PRPSAP2: variants seen among roughly 807,000 people sequenced by gnomAD.
The protein encoded by PRPSAP2 is phosphoribosyl pyrophosphate synthase-associated protein 2.
Under a neutral mutation model 40.6 loss-of-function variants are expected in PRPSAP2, and 24 were observed. That is an observed-to-expected ratio of 0.59 (90% confidence interval 0.43 to 0.83). The LOEUF (loss-of-function observed/expected upper bound fraction) is 0.83. Among genes scored for constraint, PRPSAP2 ranks in the 40% least tolerant of loss-of-function variants. PRPSAP2 has a pLI of 0.00. For missense variants in PRPSAP2, 292 were observed against 465.6 expected (o/e 0.63, Z 3.43); for synonymous variants, 149 against 164.7 (o/e 0.90, Z 0.73).
intron 1 of PRPSAP2, among the ~76,000 whole-genome samples, 190 bp from the exon 2 acceptor site, chr17:18,865,279 T>C (rs1241123306): frequency 6.6e-6 from 1 of 152,126 alleles, no homozygotes; most frequent in Non-Finnish European, 1.5e-5. Context: ...CGTGTTCCAC[T>C]TGAGGAAAAT....
At chr17:18,898,030 C>CG (rs1182811035) in intron 8 of PRPSAP2, among the ~76,000 whole-genome samples, 1 of 125,280 alleles carries the variant, frequency 8.0e-6, no homozygotes, top group East Asian at 2.6e-4. Context: ...GGCAGTGTCT[C>CG]GCTCTGTCAC....
chr17:18,895,457 T>C (rs2039858332), intron 8 of PRPSAP2, among the ~76,000 whole-genome samples: 1 of 151,954 alleles, frequency 6.6e-6, no homozygotes, highest in Non-Finnish European at 1.5e-5. Context: ...TTGTTTTCTT[T>C]AGTTCTGTGA....
chr17:18,882,693 C>A lies in PRPSAP2; in HGVS notation c.528+10C>A. 6.6e-7 allele frequency: 1 copy of A among 1,510,320 alleles called. No homozygotes were observed. Among genetic ancestry groups the A allele is most frequent in the Non-Finnish European group, 9.2e-7 (1 of 1,089,958 alleles). The allele number at this position is 1,510,320 out of a possible 1,614,324, so 93.6% of individuals were successfully genotyped here. ...GTATATTCAAGAAGAGGTGAGCTAG[C>A]TCAAACTTTTTTATTTTAACATTCT... On this transcript the variant is annotated intron_variant, in intron 7 of 11. Transcript: ENST00000268835.
At chr17:18,917,529 A>G (rs1454526037) in intron 9 of PRPSAP2, 2 of 142,554 alleles carry the variant, frequency 1.4e-5, no homozygotes, top group Admixed American at 7.1e-5. Flanking sequence ...ACATGCCACC[A>G]TGCCCAGGTA....
At position 18,911,907 on chromosome 17, in the gene PRPSAP2, G is replaced by T. The variant is rs2040979487; in HGVS notation, c.733+656G>T. Among the ~76,000 whole-genome samples the T allele has an allele frequency of 6.6e-6, 1 of 151,644 alleles. No individual in the cohort carries two copies. The highest frequency in any genetic ancestry group is 2.4e-5 in the African/African-American group (1 of 41,240). On this transcript the variant is annotated intron_variant, in intron 9 of 11. Transcript: ENST00000268835. The surrounding 1 kb of genome is among the most constrained non-coding windows in gnomAD (Gnocchi z 4.5). ...CAGCACTGACCCCGTGATGGGCCGG[G>T]CACGGTGGCTCACGCCTGTAATCCC...
At chr17:18,862,466 T>TCC (rs57766245) in intron 1 of PRPSAP2, among the ~76,000 whole-genome samples, 1 of 151,258 alleles carries the variant, frequency 6.6e-6, no homozygotes, top group Non-Finnish European at 1.5e-5. Flanking sequence ...AAAATGCCCC[T>TCC]CCCCCCATGG....
chr17:18,911,771 C>T lies in PRPSAP2; in HGVS notation c.733+520C>T, dbSNP rs2040972952. On this transcript the variant is annotated intron_variant, in intron 9 of 11. Transcript: ENST00000268835. This position sits in a 1 kb window ranked among gnomAD's most constrained non-coding sequence, Gnocchi z 4.5. ...ACAAGGCAGAATATAAGATTGTATA[C>T]CTATTTGTCTTAGTTCAGGCTGCTG... 6.6e-6 allele frequency among the ~76,000 whole-genome samples: 1 copy of T among 152,180 alleles called. No homozygotes were observed. The highest frequency in any genetic ancestry group is 2.4e-5 in the African/African-American group (1 of 41,426).
Position 18,867,348 on chromosome 17 carries a change from G to A in PRPSAP2, c.172+14G>A, listed in dbSNP as rs1373765087. The A allele has an allele frequency of 6.2e-7, 1 of 1,613,854 alleles. No individual in the cohort carries two copies. The highest frequency in any genetic ancestry group is 1.7e-5 in the Admixed American group (1 of 60,002). ...AACCTAACAGAGGTGAGCTATCTTG[G>A]GCATGTGGAACATTGACCTTTTTGT... On this transcript the variant is annotated intron_variant, in intron 4 of 11. Transcript: ENST00000268835.
intron 7 of PRPSAP2, 46 bp from the exon 8 acceptor site, chr17:18,889,776 C>A (rs552857844): frequency 6.8e-7 from 1 of 1,477,598 alleles, no homozygotes. Context: ...TTGGAATTTT[C>A]CTTTTTGTTG....
chr17:18,897,991 C>CT (rs71155370), intron 8 of PRPSAP2, among the ~76,000 whole-genome samples: 15,427 of 114,292 alleles, frequency 0.13, 3,572 homozygotes, highest in Non-Finnish European at 0.18. Flanking sequence ...AGAATTTTTG[C>CT]TTTTTTTTTT....
chr17:18,893,153 C>A (rs1053805267), intron 8 of PRPSAP2, among the ~76,000 whole-genome samples: 1 of 124,996 alleles, frequency 8.0e-6, no homozygotes. Context: ...TTCAATTTAT[C>A]TTTTTTTTTT....
intron 4 of PRPSAP2, among the ~76,000 whole-genome samples, chr17:18,872,097 T>C (rs2037927864): frequency 1.3e-5 from 2 of 152,016 alleles, no homozygotes; most frequent in Admixed American, 1.3e-4. Context: ...GGTGAAACCC[T>C]GTCTCTACTA....
intron 10 of PRPSAP2, among the ~76,000 whole-genome samples, chr17:18,924,261 A>G (rs907203865): frequency 2.0e-5 from 3 of 152,128 alleles, no homozygotes; most frequent in Non-Finnish European, 4.4e-5. Context: ...GCTGGTCTCA[A>G]GCTCCTGAAC....
chr17:18,911,834 A>G lies in PRPSAP2; in HGVS notation c.733+583A>G, dbSNP rs1249619305. ...TTAGACTGGGTAATATAAACAACAA[A>G]TTTATTGCTCACAGTTCTAGAGGCT... On this transcript the variant is annotated intron_variant, in intron 9 of 11. Coordinates refer to ENST00000268835, the MANE Select transcript of PRPSAP2 (RefSeq NM_002767.4). The surrounding 1 kb of genome is among the most constrained non-coding windows in gnomAD (Gnocchi z 4.5). Among the ~76,000 whole-genome samples the G allele has an allele frequency of 1.3e-5, 2 of 152,226 alleles. No homozygotes were observed. The highest frequency in any genetic ancestry group is 1.3e-4 in the Admixed American group (2 of 15,280).
chr17:18,922,064 A>G (rs895489797), intron 9 of PRPSAP2, among the ~76,000 whole-genome samples: 5 of 152,168 alleles, frequency 3.3e-5, no homozygotes, highest in African/African-American at 1.2e-4. Flanking sequence ...CACTTCATAT[A>G]AACGGAATCA....
chr17:18,891,795 T>C (rs1280095390), intron 8 of PRPSAP2, among the ~76,000 whole-genome samples: 2 of 152,238 alleles, frequency 1.3e-5, no homozygotes, highest in African/African-American at 2.4e-5. Flanking sequence ...GTGTCTGGTT[T>C]CTTTCACTTA....
intron 4 of PRPSAP2, among the ~76,000 whole-genome samples, chr17:18,868,110 T>G (rs1483234750): frequency 3.3e-5 from 5 of 151,506 alleles, no homozygotes; most frequent in African/African-American, 1.2e-4. Flanking sequence ...AGTGAGACCC[T>G]GTCTCAAAAA....
At chr17:18,905,679 A>C (rs28394410) in intron 8 of PRPSAP2, among the ~76,000 whole-genome samples, 14,798 of 151,786 alleles carry the variant, frequency 0.097, 903 homozygotes, top group African/African-American at 0.17. Context: ...TCCCGGGTTC[A>C]AGTGATTCTC....
chr17:18,884,487 G>A (rs2151913173), intron 7 of PRPSAP2, among the ~76,000 whole-genome samples: 1 of 152,068 alleles, frequency 6.6e-6, no homozygotes, highest in African/African-American at 2.4e-5. Context: ...CTAGAGGTGT[G>A]CCACCACACC....
Sources: allele counts gnomAD v4.1 joint callset (sites outside exome capture counted in the v4.1 genomes callset), GRCh38; gene constraint gnomAD v4.1.1; non-coding constraint Gnocchi (gnomAD v3.1); transcripts MANE v1.5; gene names NCBI Gene and HGNC (gene_info 2026-07-23, HGNC 2026-07-21).